PKHD1: variants seen among roughly 807,000 people sequenced by gnomAD.
The protein encoded by PKHD1 is PKHD1 ciliary IPT domain containing fibrocystin/polyductin, also known as fibrocystin.
PKHD1 carries 291 observed loss-of-function variants against 412.0 expected under a neutral mutation model. That is an observed-to-expected ratio of 0.71 (90% CI 0.64 to 0.78). The LOEUF is 0.78. PKHD1 is among the 30% of genes least tolerant of loss of function. The pLI, the probability that PKHD1 is intolerant of heterozygous loss-of-function variation, is 0.00. For synonymous variants in PKHD1, 1,777 were observed against 1,821.5 expected (o/e 0.98, Z 0.62); for missense variants, 4,825 against 4,950.7 (o/e 0.97, Z 0.76).
intron 48 of PKHD1, among the ~76,000 whole-genome samples, chr6:51,865,320 G>T (rs987689337): frequency 3.3e-5 from 5 of 152,120 alleles, no homozygotes; most frequent in African/African-American, 4.8e-5. Flanking sequence ...ATATTAAATA[G>T]TGTGGCCAAC....
chr6:52,036,288 A>G (rs757963932), intron 27 of PKHD1, among the ~76,000 whole-genome samples: 4 of 152,262 alleles, frequency 2.6e-5, no homozygotes, highest in Non-Finnish European at 4.4e-5. Context: ...CTGTGAAAAT[A>G]TAGAAATGAG....
intron 35 of PKHD1, among the ~76,000 whole-genome samples, chr6:51,999,304 TC>T (rs1485611539): frequency 6.6e-6 from 1 of 152,208 alleles, no homozygotes; most frequent in Non-Finnish European, 1.5e-5. Flanking sequence ...CTCCTGCCTC[TC>T]CCTTCTGGTT....
rs374589028 is a variant in PKHD1 at position 51,619,266 on chromosome 6, G to C, written c.12040C>G (p.Gln4014Glu). 1.2e-6 allele frequency: 2 copies of C among 1,614,126 alleles called. No individual in the cohort carries two copies. The highest frequency in any genetic ancestry group is 2.7e-5 in the African/African-American group (2 of 74,952). The part of the protein sequence containing the change: ...EQLLRYQLAG[Q>E]NQLLLLCPDF... ...GGGCATAGCAGCAGCAGCTGATTTT[G>C]GCCTGCCAGCTGGTATCTGAGCAAC... Residue 4014 changes from glutamine (Q) to glutamate (E), a missense_variant, in exon 67 of 67, where the codon CAA becomes GAA. By Grantham distance (29) the Gln-to-Glu change is conservative. Coordinates refer to ENST00000371117, the MANE Select transcript of PKHD1 (RefSeq NM_138694.4).
chr6:51,618,288 T>C lies in PKHD1; in HGVS notation c.*793A>G, dbSNP rs921785163. 2.0e-5 allele frequency: 3 copies of C among 152,252 alleles called. No homozygotes were observed. The highest frequency in any genetic ancestry group is 7.2e-5 in the African/African-American group (3 of 41,422). The allele number at this position is 152,252 out of a possible 1,614,324, so 9.4% of individuals were successfully genotyped here. ...GCTTTCTCTGATCTCCCAATGTAGT[T>C]CTTTTCCAGTTGTAAATGTGACCCA... On this transcript the variant is annotated 3_prime_UTR_variant, in exon 67 of 67. Coordinates refer to ENST00000371117, the MANE Select transcript of PKHD1 (RefSeq NM_138694.4).
intron 36 of PKHD1, among the ~76,000 whole-genome samples, chr6:51,935,888 G>T (rs990569398): frequency 1.3e-5 from 2 of 152,214 alleles, no homozygotes; most frequent in Non-Finnish European, 2.9e-5. Flanking sequence ...TATTCCCATG[G>T]CTCACTCTCC....
chr6:52,071,020 T>A lies in PKHD1; in HGVS notation c.653A>T (p.Glu218Val). Residue 218 changes from glutamate (E) to valine (V), a missense_variant, in exon 9 of 67, where the codon GAA (glutamate) becomes GTA (valine). By Grantham distance (121) the Glu-to-Val change is moderately radical. Coordinates refer to ENST00000371117, the MANE Select transcript of PKHD1 (RefSeq NM_138694.4). The stretch of plus-strand genomic sequence containing the variant: ...CTCTAACAGACCGATGTAGTCGCCT[T>A]CCACATGGCACTGCAGAGTCCCAAG... ...HGLGTLQCHV[E>V]GDYIGSQNVS... The A allele has an allele frequency of 6.2e-7, 1 of 1,601,204 alleles. No homozygotes were observed.
At chr6:51,645,250 C>A (rs1769935116) in intron 63 of PKHD1, among the ~76,000 whole-genome samples, 2 of 152,116 alleles carry the variant, frequency 1.3e-5, no homozygotes, top group South Asian at 4.1e-4. Context: ...CTACTTATTC[C>A]CCTATTATAA....
At chr6:51,750,534 A>C (rs1395573483) in intron 57 of PKHD1, among the ~76,000 whole-genome samples, 1 of 151,874 alleles carries the variant, frequency 6.6e-6, no homozygotes, top group African/African-American at 2.4e-5. Context: ...GCATGAGGGA[A>C]GGGCATGCAG....
At chr6:51,951,774 GT>G (rs1561968537) in intron 36 of PKHD1, among the ~76,000 whole-genome samples, 1 of 152,038 alleles carries the variant, frequency 6.6e-6, no homozygotes, top group Non-Finnish European at 1.5e-5. Context: ...TCCACTTCCA[GT>G]CCAGGATGAA....
At chr6:51,862,279 G>A (rs1774317066) in intron 48 of PKHD1, among the ~76,000 whole-genome samples, 1 of 152,182 alleles carries the variant, frequency 6.6e-6, no homozygotes, top group Admixed American at 6.5e-5. Flanking sequence ...AGAGCTAGTT[G>A]TTAAACATTT....
intron 45 of PKHD1, among the ~76,000 whole-genome samples, chr6:51,885,344 CT>C (rs1778043214): frequency 6.6e-6 from 1 of 152,066 alleles, no homozygotes; most frequent in South Asian, 2.1e-4. Context: ...AGAGTGGTAT[CT>C]TGAGCTAGAA....
chr6:51,915,514 C>T (rs4715262), intron 37 of PKHD1, among the ~76,000 whole-genome samples: 3 of 151,544 alleles, frequency 2.0e-5, no homozygotes, highest in African/African-American at 4.8e-5. Flanking sequence ...TCCATAAATA[C>T]ATCCTGAATG....
intron 53 of PKHD1, among the ~76,000 whole-genome samples, chr6:51,783,250 TG>T (rs991973592): frequency 8.5e-5 from 13 of 152,142 alleles, no homozygotes; most frequent in African/African-American, 3.1e-4. Context: ...TACCAATGGT[TG>T]GGGCATATCT....
intron 35 of PKHD1, among the ~76,000 whole-genome samples, chr6:51,971,014 C>A (rs1423771877): frequency 6.6e-6 from 1 of 152,146 alleles, no homozygotes; most frequent in South Asian, 2.1e-4. Context: ...ATAGTAATTC[C>A]ATAGAATCTG....
intron 35 of PKHD1, among the ~76,000 whole-genome samples, chr6:51,979,572 C>G (rs1027818309): frequency 1.3e-5 from 2 of 151,956 alleles, no homozygotes; most frequent in African/African-American, 4.8e-5. Flanking sequence ...CTCCCCCCAA[C>G]ACATAGTCAC....
Position 51,905,377 on chromosome 6 carries a change from T to C in PKHD1, c.6808+838A>G, listed in dbSNP as rs192321067. Among the ~76,000 whole-genome samples, 273 of 152,252 alleles carry C rather than the reference T, an allele frequency of 1.8e-3. 1 individual carries two copies. Among genetic ancestry groups the C allele is most frequent in the South Asian group, 7.3e-3 (35 of 4,824 alleles). On this transcript the variant is annotated intron_variant, in intron 41 of 66. Transcript: ENST00000371117. ...AGATGACCAGAAATGTGGTATATAA[T>C]TTTAAATCAAGAAGTACTGATTGGC...
intron 48 of PKHD1, among the ~76,000 whole-genome samples, chr6:51,865,309 A>T (rs1467392956): frequency 1.3e-5 from 2 of 152,144 alleles, no homozygotes; most frequent in Non-Finnish European, 2.9e-5. Context: ...TCTTCACCCA[A>T]ATATTAAATA....
At chr6:51,765,025 T>C (rs75799949) in intron 55 of PKHD1, among the ~76,000 whole-genome samples, 3 of 152,236 alleles carry the variant, frequency 2.0e-5, no homozygotes, top group Non-Finnish European at 4.4e-5. Flanking sequence ...ATTTTCTTCT[T>C]GGCATCTACT....
chr6:51,925,795 T>C (rs4711989), intron 37 of PKHD1, among the ~76,000 whole-genome samples: 3 of 151,214 alleles, frequency 2.0e-5, no homozygotes, highest in African/African-American at 7.3e-5. Flanking sequence ...TCTCCCTTCC[T>C]CTCTCTCTTT....
Sources: allele counts gnomAD v4.1 joint callset (sites outside exome capture counted in the v4.1 genomes callset), GRCh38; gene constraint gnomAD v4.1.1; transcripts MANE v1.5; gene names NCBI Gene and HGNC (gene_info 2026-07-23, HGNC 2026-07-21).